The following KCNH8 variants were observed in gnomAD, a reference collection of about 807,000 sequenced individuals.
KCNH8 encodes voltage-gated delayed rectifier potassium channel KCNH8.
Under a neutral mutation model 103.6 loss-of-function variants are expected in KCNH8, and 70 were observed. That is an observed-to-expected ratio of 0.68 (90% confidence interval 0.56 to 0.82). The LOEUF is 0.82. Among genes scored for constraint, KCNH8 ranks in the 40% least tolerant of loss-of-function variants. The pLI, the probability that KCNH8 is intolerant of heterozygous loss-of-function variation, is 0.00. For missense variants in KCNH8, 1,217 were observed against 1,329.9 expected (o/e 0.92, Z 1.32); for synonymous variants, 498 against 489.4 (o/e 1.02, Z -0.23).
intron 11 of KCNH8, among the ~76,000 whole-genome samples, chr3:19,497,974 C>T (rs550938549): frequency 6.6e-6 from 1 of 152,248 alleles, no homozygotes; most frequent in South Asian, 2.1e-4. Flanking sequence ...TTGAATTAAA[C>T]TCTTTACCAT....
rs569875591 is a variant in KCNH8, at chr3:19,157,862, C to A, written c.76+9067C>A. On this transcript the variant is annotated intron_variant, in intron 1 of 15. Coordinates refer to ENST00000328405, the MANE Select transcript of KCNH8 (RefSeq NM_144633.3). ...TTTATATAGTTTTAAAAATGGAACA[C>A]TTTATTAGTAACACGAATTGTATAC... 9.6e-4 allele frequency among the ~76,000 whole-genome samples: 146 copies of A among 151,776 alleles called. 1 individual carries two copies. Among genetic ancestry groups the A allele is most frequent in the African/African-American group, 2.9e-3 (119 of 41,464 alleles).
At position 19,408,842 on chromosome 3, in the gene KCNH8, C is replaced by G. The variant is rs1196576530; in HGVS notation, c.1177+13531C>G. Among the ~76,000 whole-genome samples the G allele has an allele frequency of 2.6e-5, 4 of 152,024 alleles. No individual in the cohort carries two copies. In the East Asian group the frequency reaches 7.7e-4, roughly 29 times the overall value. The stretch of plus-strand genomic sequence containing the variant: ...GAAAAAAAGAATTTTAAAAAATGAT[C>G]AAAATCTTTGAGAAATATGAGCTTA... On this transcript the variant is annotated intron_variant, in intron 7 of 15. Transcript: ENST00000328405.
intron 8 of KCNH8, 53 bp downstream of exon 8, chr3:19,438,414 G>C (rs2067232563): frequency 7.1e-7 from 1 of 1,407,560 alleles, no homozygotes. Context: ...CTACCTAACT[G>C]TCACTGCCTG....
intron 5 of KCNH8, among the ~76,000 whole-genome samples, chr3:19,353,029 G>C (rs140880711): frequency 1.3e-5 from 2 of 151,600 alleles, no homozygotes; most frequent in Admixed American, 6.6e-5. Context: ...TTGAATAGTC[G>C]CAATAAAAAT....
At chr3:19,171,705 T>G (rs1409235003) in intron 1 of KCNH8, among the ~76,000 whole-genome samples, 6 of 152,042 alleles carry the variant, frequency 3.9e-5, no homozygotes, top group Non-Finnish European at 5.9e-5. Flanking sequence ...AGCAAGGAAA[T>G]GTGCTAATTA....
chr3:19,330,065 A>G (rs1293136866), intron 3 of KCNH8, among the ~76,000 whole-genome samples: 1 of 152,024 alleles, frequency 6.6e-6, no homozygotes, highest in Non-Finnish European at 1.5e-5. Flanking sequence ...TCTCTAATAA[A>G]TTTTGCTGAA....
intron 11 of KCNH8, among the ~76,000 whole-genome samples, chr3:19,508,822 CTCT>C (rs1390062057): frequency 6.6e-6 from 1 of 152,148 alleles, no homozygotes; most frequent in Non-Finnish European, 1.5e-5. Flanking sequence ...AGAAAAATGA[CTCT>C]GGGATTCAGC....
chr3:19,320,141 G>A (rs2065330657), intron 3 of KCNH8, among the ~76,000 whole-genome samples: 1 of 151,922 alleles, frequency 6.6e-6, no homozygotes, highest in South Asian at 2.1e-4. Context: ...TGATTTGGAT[G>A]CCCTTAATTT....
intron 3 of KCNH8, among the ~76,000 whole-genome samples, chr3:19,311,963 G>A (rs892284222): frequency 2.0e-5 from 3 of 151,898 alleles, no homozygotes; most frequent in Non-Finnish European, 4.4e-5. Flanking sequence ...ATATAAGGCT[G>A]ACAGATTCTC....
At chr3:19,163,482 C>A (rs1210338197) in intron 1 of KCNH8, among the ~76,000 whole-genome samples, 3 of 152,036 alleles carry the variant, frequency 2.0e-5, no homozygotes, top group South Asian at 2.1e-4. Context: ...TTCATAAAAT[C>A]ATTTTCAAAG....
intron 5 of KCNH8, among the ~76,000 whole-genome samples, chr3:19,386,807 T>C (rs536901514): frequency 7.2e-5 from 11 of 152,274 alleles, no homozygotes; most frequent in African/African-American, 2.2e-4. Context: ...TTGTAATATT[T>C]AAATAAATTC....
At chr3:19,289,445 G>A (rs1286710658) in intron 3 of KCNH8, among the ~76,000 whole-genome samples, 1 of 152,124 alleles carries the variant, frequency 6.6e-6, no homozygotes, top group African/African-American at 2.4e-5. Flanking sequence ...TCTCCATATG[G>A]CTAGCCAGTT....
chr3:19,219,900 T>C (rs911286993), intron 1 of KCNH8, among the ~76,000 whole-genome samples: 1 of 152,126 alleles, frequency 6.6e-6, no homozygotes, highest in African/African-American at 2.4e-5. Flanking sequence ...CCTACTAGCA[T>C]CAAAAGCAAA....
intron 1 of KCNH8, among the ~76,000 whole-genome samples, chr3:19,212,007 A>C (rs1288067122): frequency 6.6e-6 from 1 of 152,188 alleles, no homozygotes; most frequent in African/African-American, 2.4e-5. Context: ...CAGTAGCCAG[A>C]ATAAGATTAG....
intron 5 of KCNH8, among the ~76,000 whole-genome samples, chr3:19,386,822 C>T (rs1442198): frequency 0.57 from 86,300 of 151,824 alleles, 25,720 homozygotes; most frequent in African/African-American, 0.75. Flanking sequence ...AAATTCTGAT[C>T]TAATTTAAAG....
Position 19,253,017 on chromosome 3 carries a change from A to G in KCNH8, c.77-637A>G, listed in dbSNP as rs1196120620. 4.6e-5 allele frequency among the ~76,000 whole-genome samples: 7 copies of G among 152,224 alleles called. No individual in the cohort carries two copies. In the East Asian group the frequency reaches 9.7e-4, roughly 21 times the overall value. On this transcript the variant is annotated intron_variant, in intron 1 of 15. Coordinates refer to ENST00000328405, the MANE Select transcript of KCNH8 (RefSeq NM_144633.3). The stretch of plus-strand genomic sequence containing the variant: ...GTGAACTTTAACCAATTATGTGTGG[A>G]CATTAGTGGATAAATACTTCTGCTT...
intron 10 of KCNH8, 73 bp from the exon 11 acceptor site, chr3:19,456,695 T>C (rs1205174013): frequency 1.0e-6 from 1 of 958,816 alleles, no homozygotes; most frequent in African/African-American, 1.6e-5. Flanking sequence ...AAATGAAGCC[T>C]GTAAGTCAAA....
intron 3 of KCNH8, among the ~76,000 whole-genome samples, chr3:19,302,726 C>G (rs2065078986): frequency 6.6e-6 from 1 of 152,140 alleles, no homozygotes. Context: ...CTCTTCATCC[C>G]CAACCCTTTA....
At chr3:19,165,339 A>C (rs2063272707) in intron 1 of KCNH8, among the ~76,000 whole-genome samples, 1 of 152,230 alleles carries the variant, frequency 6.6e-6, no homozygotes, top group Non-Finnish European at 1.5e-5. Flanking sequence ...CCTTTTCTGG[A>C]GTATTATTGT....
Sources: allele counts gnomAD v4.1 joint callset (sites outside exome capture counted in the v4.1 genomes callset), GRCh38; gene constraint gnomAD v4.1.1; transcripts MANE v1.5; gene names NCBI Gene and HGNC (gene_info 2026-07-23, HGNC 2026-07-21).